The following STRA8 variants were observed in gnomAD, a reference collection of about 807,000 sequenced individuals.
The protein encoded by STRA8 is stimulated by retinoic acid 8.
STRA8 carries 18 observed loss-of-function variants against 37.1 expected under a neutral mutation model. The ratio of observed to expected loss-of-function variants is 0.48; its 90% CI spans 0.34 to 0.72. The LOEUF (loss-of-function observed/expected upper bound fraction) is 0.72. STRA8 is among the 30% of genes least tolerant of loss of function. The pLI, the probability that STRA8 is intolerant of heterozygous loss-of-function variation, is 0.01. For synonymous variants in STRA8, 168 were observed against 162.9 expected, an observed-to-expected ratio of 1.03 and a Z score of -0.24; for missense variants, 357 against 410.4, an observed-to-expected ratio of 0.87 and a Z score of 1.13.
At chr7:135,255,382 G>A (rs924839530) in intron 8 of STRA8, among the ~76,000 whole-genome samples, 157 bp downstream of exon 8, 4 of 152,170 alleles carry the variant, frequency 2.6e-5, no homozygotes, top group Non-Finnish European at 5.9e-5. Flanking sequence ...CTCCATGAAT[G>A]GTCACCTTCA....
At chr7:135,258,338 A>G in intron 8 of STRA8, 80 bp from the exon 9 acceptor site, 1 of 1,165,840 alleles carries the variant, frequency 8.6e-7, no homozygotes, top group Non-Finnish European at 1.2e-6. Context: ...GGCACACCGG[A>G]GATGCAGGAG....
At chr7:135,247,333 G>C (rs1050929129) in intron 6 of STRA8, 1 of 152,248 alleles carries the variant, frequency 6.6e-6, no homozygotes, top group African/African-American at 2.4e-5. Context: ...GGGGAGGTCC[G>C]AGGCAGGCAG....
At chr7:135,258,314 G>T in intron 8 of STRA8, 104 bp from the exon 9 acceptor site, 1 of 877,290 alleles carries the variant, frequency 1.1e-6, no homozygotes. Context: ...ACGTAGGATA[G>T]AGTCTGGGGG....
intron 8 of STRA8, among the ~76,000 whole-genome samples, chr7:135,255,548 G>A (rs1420460666): frequency 6.6e-6 from 1 of 152,218 alleles, no homozygotes; most frequent in Non-Finnish European, 1.5e-5. Context: ...GGGTGAGCAT[G>A]ACAGCCTGAG....
Position 135,245,408 on chromosome 7 carries a change from G to A in STRA8, c.474G>A (p.Glu158=), listed in dbSNP as rs77965426. 3.3e-4 allele frequency: 185 copies of A among 561,712 alleles called. 2 individuals carry two copies. In the African/African-American group the frequency reaches 3.7e-3, roughly 11 times the overall value. 34.8% of individuals were successfully genotyped at this position (561,712 alleles called of 1,614,324 possible). A position where few individuals can be genotyped will look rare whatever the true frequency, so the allele number is the denominator to read the frequency against. The change falls in exon 5 of 9, where the codon GAG becomes GAA. Residue 158 remains glutamate (E), a synonymous_variant. Transcript: ENST00000662584. ...AGGAAGATCAAGAAGAAGAGGAGGA[G>A]GAAGAAGAAGAGGAGGAGGAGGAAG... ...EEEEDQEEEE[E]EEEEEEEEEE... is the part of the protein sequence containing the mutation.
In STRA8 at chr7:135,246,266, C is replaced by T; in HGVS notation, c.594-151C>T. ...CAGGAAGGCTGCTGCTCTCCAAGGG[C>T]CAGGGGCGTGCAGAGTCTGAGAAGT... On this transcript the variant is annotated intron_variant, in intron 5 of 8. Coordinates refer to ENST00000662584, the MANE Select transcript of STRA8 (RefSeq NM_001394401.1). The surrounding 1 kb of genome is among the most constrained non-coding windows in gnomAD (Gnocchi z 5.4). 2.8e-6 allele frequency: 3 copies of T among 1,085,776 alleles called. No individual in the cohort carries two copies. Among genetic ancestry groups the T allele is most frequent in the Non-Finnish European group, 4.0e-6 (3 of 747,454 alleles). The allele number at this position is 1,085,776 out of a possible 1,614,324, so 67.3% of individuals were successfully genotyped here. A position where few individuals can be genotyped will look rare whatever the true frequency, so the allele number is the denominator to read the frequency against.
chr7:135,238,651 T>C (rs1268856529), intron 1 of STRA8, among the ~76,000 whole-genome samples: 1 of 152,050 alleles, frequency 6.6e-6, no homozygotes, highest in Non-Finnish European at 1.5e-5. Flanking sequence ...TTAACCTAAA[T>C]CCCCTGGTGT....
intron 1 of STRA8, among the ~76,000 whole-genome samples, 188 bp downstream of exon 1, chr7:135,234,091 G>GATTATT (rs1405282437): frequency 9.5e-4 from 142 of 148,908 alleles, no homozygotes; most frequent in Admixed American, 3.5e-3. Flanking sequence ...TGATGATGAT[G>GATTATT]ATGATGATGA....
At chr7:135,247,567 C>T (rs553829426) in intron 6 of STRA8, among the ~76,000 whole-genome samples, 2 of 152,338 alleles carry the variant, frequency 1.3e-5, no homozygotes, top group African/African-American at 4.8e-5. Context: ...CTCCTCCCCT[C>T]TCATTGGTTG....
rs111303179 is a variant in STRA8 at position 135,243,597 on chromosome 7, T to G, written c.353+187T>G. ...TTATTCTAGCAACATGCATCAATTT[T>G]TTCCCAATTATAAAAAGATACATGC... On this transcript the variant is annotated intron_variant, in intron 4 of 8. Transcript: ENST00000662584. Among the ~76,000 whole-genome samples the G allele has an allele frequency of 5.2e-4, 79 of 152,308 alleles. 2 individuals carry two copies. Among genetic ancestry groups the G allele is most frequent in the Middle Eastern group, 3.4e-3 (1 of 294 alleles).
intron 6 of STRA8, among the ~76,000 whole-genome samples, chr7:135,248,547 A>T (rs1348512919): frequency 1.3e-5 from 2 of 152,118 alleles, no homozygotes; most frequent in Admixed American, 1.3e-4. Flanking sequence ...GTCTCTACTA[A>T]AAACTAAAAA....
intron 1 of STRA8, among the ~76,000 whole-genome samples, chr7:135,235,384 G>T (rs1414428583): frequency 7.9e-6 from 1 of 126,612 alleles, no homozygotes; most frequent in Non-Finnish European, 1.7e-5. Context: ...CACTTCTATT[G>T]GTTATGAGTG....
At chr7:135,238,093 C>CAAGG (rs1483918440) in intron 1 of STRA8, among the ~76,000 whole-genome samples, 1 of 152,168 alleles carries the variant, frequency 6.6e-6, no homozygotes, top group East Asian at 1.9e-4. Flanking sequence ...GAAAATCGCT[C>CAAGG]AAGGTCTAAT....
chr7:135,233,128 A>G (rs73444254), upstream of STRA8, among the ~76,000 whole-genome samples: 3,505 of 152,312 alleles, frequency 0.023, 142 homozygotes, highest in African/African-American at 0.077. Flanking sequence ...AAACGAGAGT[A>G]CATCTATATT....
intron 6 of STRA8, among the ~76,000 whole-genome samples, chr7:135,248,652 A>G (rs1314190618): frequency 1.3e-5 from 2 of 152,206 alleles, no homozygotes; most frequent in Non-Finnish European, 2.9e-5. Flanking sequence ...TCAAGGCTGC[A>G]GTGAGCTATG....
At chr7:135,250,035 C>T (rs1220122918) in intron 6 of STRA8, among the ~76,000 whole-genome samples, 1 of 152,238 alleles carries the variant, frequency 6.6e-6, no homozygotes, top group Non-Finnish European at 1.5e-5. Flanking sequence ...GGGACAAAGC[C>T]ACAGTTACTC....
intron 8 of STRA8, among the ~76,000 whole-genome samples, chr7:135,256,349 T>C (rs60343027): frequency 0.28 from 41,982 of 151,624 alleles, 6,035 homozygotes; most frequent in Middle Eastern, 0.41. Context: ...AATCCTTGGG[T>C]GACAGTCCCC....
In STRA8 at chr7:135,246,701, AG is replaced by A; in HGVS notation, c.879+1del. 3 of 1,519,108 alleles carry A rather than the reference AG, an allele frequency of 2.0e-6. No individual in the cohort carries two copies. Among genetic ancestry groups the A allele is most frequent in the South Asian group, 2.4e-5 (2 of 82,550 alleles). 94.1% of individuals were successfully genotyped at this position (1,519,108 alleles called of 1,614,324 possible). A position where few individuals can be genotyped will look rare whatever the true frequency, so the allele number is the denominator to read the frequency against. ...TGCTCGCTGGTCTCCACGCCCGAGGAGGTGAGCAGGCCCACCGGGGTGGCGT... is the reference window on the plus strand; with the variant it reads ...TGCTCGCTGGTCTCCACGCCCGAGGAGTGAGCAGGCCCACCGGGGTGGCGT... ...ASCSLVSTPE[E>X]ILFEDAFDVA... is the part of the protein sequence containing the mutation. On this transcript the variant is annotated frameshift_variant and splice_region_variant, in exon 6 of 9. Coordinates refer to ENST00000662584, the MANE Select transcript of STRA8 (RefSeq NM_001394401.1). LOFTEE classifies it high-confidence loss of function. The surrounding 1 kb of genome is among the most constrained non-coding windows in gnomAD (Gnocchi z 5.4).
chr7:135,256,491 G>A (rs1482097308), intron 8 of STRA8, among the ~76,000 whole-genome samples: 1 of 152,198 alleles, frequency 6.6e-6, no homozygotes, highest in Non-Finnish European at 1.5e-5. Flanking sequence ...ATAACAAGCA[G>A]GGATTCTTGT....
Sources: allele counts gnomAD v4.1 joint callset (sites outside exome capture counted in the v4.1 genomes callset), GRCh38; gene constraint gnomAD v4.1.1; non-coding constraint Gnocchi (gnomAD v3.1); transcripts MANE v1.5; gene names NCBI Gene and HGNC (gene_info 2026-07-23, HGNC 2026-07-21).